Variants in PTPRD observed in about 807,000 individuals in gnomAD.
PTPRD encodes receptor-type tyrosine-protein phosphatase delta.
In PTPRD, 34 loss-of-function variants were observed where a neutral mutation model predicts 214.5. The observed-to-expected ratio is 0.16, with a 90% CI of 0.12 to 0.21. The LOEUF is 0.21. Ranked by LOEUF, PTPRD falls within the 10% of genes least tolerant of loss-of-function variation. PTPRD has a pLI of 1.00. For missense variants in PTPRD, 2,545 were observed against 2,398.7 expected (o/e 1.06, Z -1.27); for synonymous variants, 1,128 against 845.7 (o/e 1.33, Z -5.79).
intron 6 of PTPRD, among the ~76,000 whole-genome samples, chr9:9,735,472 AC>A (rs2098276363): frequency 6.6e-6 from 1 of 152,108 alleles, no homozygotes; most frequent in South Asian, 2.1e-4. Context: ...AGGAGTTGAC[AC>A]TATTGTGTAA....
chr9:8,497,691 G>A (rs1419323829), intron 25 of PTPRD, among the ~76,000 whole-genome samples: 2 of 152,056 alleles, frequency 1.3e-5, no homozygotes, highest in Non-Finnish European at 2.9e-5. Flanking sequence ...AAATTTCAGT[G>A]AAGAGTCAAG....
At chr9:9,581,677 TC>T (rs1401599177) in intron 7 of PTPRD, among the ~76,000 whole-genome samples, 3 of 152,110 alleles carry the variant, frequency 2.0e-5, no homozygotes, top group African/African-American at 7.2e-5. Context: ...GTTTACCTTA[TC>T]AAAATCTTCT....
intron 10 of PTPRD, among the ~76,000 whole-genome samples, chr9:9,026,407 A>C (rs981780232): frequency 7.2e-5 from 11 of 151,946 alleles, no homozygotes; most frequent in Non-Finnish European, 1.6e-4. Flanking sequence ...ATAGTAAGGT[A>C]ACAGAGAGCT....
In PTPRD at chr9:9,927,367, C is replaced by A. The variant is rs1488305011; in HGVS notation, c.-368+11140G>T. On this transcript the variant is annotated intron_variant, in intron 5 of 45. Coordinates refer to ENST00000381196, the MANE Select transcript of PTPRD (RefSeq NM_002839.4). Reference sequence around the variant, plus strand: ...ATGAAAGCATTGCTAGCTGTCCTTTCCTAAGTGCCCTCTACATTCAAATTC... The same window carrying A: ...ATGAAAGCATTGCTAGCTGTCCTTTACTAAGTGCCCTCTACATTCAAATTC... Among the ~76,000 whole-genome samples the A allele has an allele frequency of 5.3e-5, 8 of 152,146 alleles. 1 individual carries two copies. The highest frequency in any genetic ancestry group is 8.8e-5 in the Non-Finnish European group (6 of 68,018).
At chr9:8,591,448 A>C (rs910218872) in intron 14 of PTPRD, among the ~76,000 whole-genome samples, 1 of 152,106 alleles carries the variant, frequency 6.6e-6, no homozygotes, top group Non-Finnish European at 1.5e-5. Context: ...GACTTCACTG[A>C]CTTCTATACA....
chr9:9,946,601 C>A (rs913895330), intron 4 of PTPRD, among the ~76,000 whole-genome samples: 1 of 152,064 alleles, frequency 6.6e-6, no homozygotes, highest in Non-Finnish European at 1.5e-5. Context: ...GAAACATATT[C>A]TTTCCTTACT....
chr9:8,569,334 T>A (rs529574848), intron 14 of PTPRD, among the ~76,000 whole-genome samples: 3 of 152,260 alleles, frequency 2.0e-5, no homozygotes, highest in East Asian at 3.9e-4. Context: ...AGGCAGGCAA[T>A]CATCCTCCAA....
chr9:9,166,407 C>T (rs1366973658), intron 10 of PTPRD, among the ~76,000 whole-genome samples: 1 of 152,128 alleles, frequency 6.6e-6, no homozygotes, highest in East Asian at 1.9e-4. Context: ...CTCTAGGCTC[C>T]TAGCATTTGG....
At chr9:9,999,312 A>G (rs897059348) in intron 4 of PTPRD, among the ~76,000 whole-genome samples, 2 of 152,326 alleles carry the variant, frequency 1.3e-5, no homozygotes, top group South Asian at 2.1e-4. Context: ...CTGAATCTCA[A>G]TGTGGAGAAA....
intron 14 of PTPRD, among the ~76,000 whole-genome samples, chr9:8,551,597 T>C (rs1356547546): frequency 6.6e-6 from 1 of 152,226 alleles, no homozygotes; most frequent in Non-Finnish European, 1.5e-5. Flanking sequence ...TCATTTTAAG[T>C]AGCTTCAGAT....
At chr9:10,003,892 T>C (rs2096399729) in intron 4 of PTPRD, among the ~76,000 whole-genome samples, 1 of 151,826 alleles carries the variant, frequency 6.6e-6, no homozygotes, top group Admixed American at 6.6e-5. Flanking sequence ...CCGATTTATT[T>C]GCTTACAGAC....
intron 12 of PTPRD, among the ~76,000 whole-genome samples, chr9:8,656,120 C>T (rs2096904519): frequency 6.6e-6 from 1 of 152,134 alleles, no homozygotes; most frequent in Non-Finnish European, 1.5e-5. Context: ...TACTGCCCAA[C>T]AGCCCCCCAC....
chr9:9,297,963 A>G (rs1239944583), intron 9 of PTPRD, among the ~76,000 whole-genome samples: 1 of 151,616 alleles, frequency 6.6e-6, no homozygotes, highest in Non-Finnish European at 1.5e-5. Context: ...AGCTATTTTA[A>G]GTTTGGTTTG....
intron 9 of PTPRD, among the ~76,000 whole-genome samples, chr9:9,274,120 G>C (rs1944039861): frequency 6.6e-6 from 1 of 150,906 alleles, no homozygotes; most frequent in Non-Finnish European, 1.5e-5. Context: ...TCCTCCTTCT[G>C]TCCAAGTCTT....
At chr9:8,522,264 G>C (rs548515759) in intron 19 of PTPRD, among the ~76,000 whole-genome samples, 18 of 152,260 alleles carry the variant, frequency 1.2e-4, no homozygotes, top group Non-Finnish European at 2.4e-4. Flanking sequence ...GATATTGAAA[G>C]AATGGCTGGA....
chr9:10,025,240 C>T (rs992933549), intron 4 of PTPRD, among the ~76,000 whole-genome samples: 21 of 152,256 alleles, frequency 1.4e-4, no homozygotes, highest in African/African-American at 4.8e-4. Flanking sequence ...ACTTTACAGT[C>T]CCACCAACAG....
rs2098661071 is a variant in PTPRD, at chr9:8,731,715, TCC to T, written c.64+2063_64+2064del. Among the ~76,000 whole-genome samples the T allele has an allele frequency of 2.0e-5, 3 of 152,358 alleles. No homozygotes were observed. The South Asian group carries it at 6.2e-4, about 32-fold the overall frequency. ...TCTTCTGGTAGATTGCAAATGGATG[TCC>T]CTTCTTCTTTTAAAATGTACCTTAA... On this transcript the variant is annotated intron_variant, in intron 12 of 45. Transcript: ENST00000381196.
At chr9:10,280,360 C>CCA (rs61249776) in intron 3 of PTPRD, among the ~76,000 whole-genome samples, 11,369 of 144,674 alleles carry the variant, frequency 0.079, 569 homozygotes, top group East Asian at 0.17. Context: ...TACATAAACA[C>CCA]CACACACACA....
At chr9:8,429,211 G>C (rs867183827) in intron 35 of PTPRD, among the ~76,000 whole-genome samples, 1 of 152,144 alleles carries the variant, frequency 6.6e-6, no homozygotes, top group Middle Eastern at 3.2e-3. Context: ...AAGAAATAAA[G>C]TGTGAAACAT....
Sources: allele counts gnomAD v4.1 joint callset (sites outside exome capture counted in the v4.1 genomes callset), GRCh38; gene constraint gnomAD v4.1.1; transcripts MANE v1.5; gene names NCBI Gene and HGNC (gene_info 2026-07-23, HGNC 2026-07-21).